Variants in LGR6 observed in about 807,000 individuals in gnomAD.
The protein encoded by LGR6 is leucine rich repeat containing G protein-coupled receptor 6, also known as leucine-rich repeat-containing G protein-coupled receptor 6.
Under a neutral mutation model 69.4 loss-of-function variants are expected in LGR6, and 45 were observed. That is an observed-to-expected ratio of 0.65 (90% CI 0.51 to 0.83). The LOEUF (loss-of-function observed/expected upper bound fraction) is 0.83, where lower values mean the gene tolerates loss of function less well. Ranked by LOEUF, LGR6 falls within the 40% of genes least tolerant of loss-of-function variation. The probability of loss-of-function intolerance (pLI) is 0.00; values close to 1 mark genes in which losing one functional copy is unlikely to be tolerated. For synonymous variants in LGR6, 538 were observed against 555.0 expected (o/e 0.97, Z 0.43); for missense variants, 1,108 against 1,246.7 (o/e 0.89, Z 1.68).
At chr1:202,258,149 A>G (rs943542556) in intron 4 of LGR6, among the ~76,000 whole-genome samples, 1 of 152,018 alleles carries the variant, frequency 6.6e-6, no homozygotes, top group Non-Finnish European at 1.5e-5. Flanking sequence ...ATTGATTTAT[A>G]TATATTGATC....
intron 4 of LGR6, among the ~76,000 whole-genome samples, chr1:202,271,829 AG>A (rs1418435485): frequency 2.3e-4 from 34 of 145,304 alleles, no homozygotes; most frequent in South Asian, 6.8e-4. Flanking sequence ...AAAAAAAAAA[AG>A]AGAGAGGGGA....
intron 1 of LGR6, among the ~76,000 whole-genome samples, chr1:202,224,392 G>A (rs1477365164): frequency 2.0e-5 from 3 of 152,244 alleles, no homozygotes; most frequent in Admixed American, 6.5e-5. Flanking sequence ...CTGTGGATCC[G>A]CAGAGGGACT....
rs1038764069 is a variant in LGR6 at position 202,255,518 on chromosome 1, C to T, written c.428+19525C>T. ...CCTTCCCCGCTCAGGCTGCAGAGTC[C>T]GTGGAGCACTCCCTTGCCGGCCCCC... is the stretch of plus-strand genomic sequence containing the variant. On this transcript the variant is annotated intron_variant, in intron 4 of 17. Transcript: ENST00000367278. Among the ~76,000 whole-genome samples the T allele has an allele frequency of 4.6e-5, 7 of 152,296 alleles. No individual in the cohort carries two copies. The South Asian group carries it at 1.0e-3, about 23-fold the overall frequency.
chr1:202,257,947 G>A (rs535224722), intron 4 of LGR6, among the ~76,000 whole-genome samples: 1 of 151,890 alleles, frequency 6.6e-6, no homozygotes, highest in South Asian at 2.1e-4. Context: ...CATGAATATG[G>A]GATATTTTCC....
At chr1:202,296,714 G>A (rs980900129) in intron 6 of LGR6, among the ~76,000 whole-genome samples, 1 of 152,142 alleles carries the variant, frequency 6.6e-6, no homozygotes, top group Non-Finnish European at 1.5e-5. Context: ...TCAATATTTT[G>A]CCCCTGGTGC....
chr1:202,228,098 A>T (rs1205873445), intron 3 of LGR6, 91 bp downstream of exon 3: 1 of 824,084 alleles, frequency 1.2e-6, no homozygotes, highest in Non-Finnish European at 2.0e-6. Flanking sequence ...TTGGTTTACC[A>T]CTGACTTGCT....
chr1:202,225,364 A>G (rs1348667495), intron 1 of LGR6, 59 bp from the exon 2 acceptor site: 2 of 1,493,180 alleles, frequency 1.3e-6, no homozygotes, highest in East Asian at 2.3e-5. Context: ...GCACCTGGAC[A>G]GTGCCAGATG....
chr1:202,198,356 G>C (rs916873570), intron 1 of LGR6, among the ~76,000 whole-genome samples: 1 of 152,228 alleles, frequency 6.6e-6, no homozygotes, highest in African/African-American at 2.4e-5. Context: ...ACAGGGTTAA[G>C]ATCTACCTCA....
In LGR6 at chr1:202,216,826, G is replaced by GCA. The variant is rs564633946; in HGVS notation, c.213-8586_213-8585dup. Among the ~76,000 whole-genome samples the GCA allele has an allele frequency of 3.7e-4, 56 of 152,288 alleles. 1 individual carries two copies. The South Asian group carries it at 0.012, about 32-fold the overall frequency. ...GGAGGAAGGAGCCATTGAAGGAGAA[G>GCA]CACACACACACATTATGCAATCCCA... On this transcript the variant is annotated intron_variant, in intron 1 of 17. Transcript: ENST00000367278.
rs547143537 is a variant in LGR6 at position 202,315,914 on chromosome 1, G to A, written c.1648+1032G>A. On this transcript the variant is annotated intron_variant, in intron 17 of 17. Transcript: ENST00000367278. ...TTTCACCTCTGAAAACCAGTAATCAGCAGGGATGAGGTAAAAGAGGAAGTT... is the reference window on the plus strand; with the variant it reads ...TTTCACCTCTGAAAACCAGTAATCAACAGGGATGAGGTAAAAGAGGAAGTT... Among the ~76,000 whole-genome samples the A allele has an allele frequency of 3.3e-4, 50 of 152,314 alleles. 3 individuals carry two copies. The South Asian group carries it at 0.01, about 31-fold the overall frequency.
chr1:202,193,953 C>T lies in LGR6; in HGVS notation c.-37C>T. Reference sequence around the variant, plus strand: ...GCGGCCATCGCGCCGTGCGTCCGCGCCCGGCCGCCAGGTGCCCCAGTAGCC... The same window carrying T: ...GCGGCCATCGCGCCGTGCGTCCGCGTCCGGCCGCCAGGTGCCCCAGTAGCC... On this transcript the variant is annotated 5_prime_UTR_variant, in exon 1 of 18. Transcript: ENST00000367278. 3 of 1,266,066 alleles carry T rather than the reference C, an allele frequency of 2.4e-6. No individual in the cohort carries two copies. The highest frequency in any genetic ancestry group is 2.0e-6 in the Non-Finnish European group (2 of 998,870). 78.4% of individuals were successfully genotyped at this position (1,266,066 alleles called of 1,614,324 possible).
chr1:202,307,275 C>T (rs1653308771), intron 13 of LGR6, 55 bp from the exon 14 acceptor site: 1 of 1,534,564 alleles, frequency 6.5e-7, no homozygotes, highest in Non-Finnish European at 9.0e-7. Context: ...ATGATGGGAA[C>T]AGTGAGTCCT....
At chr1:202,307,916 G>C (rs986710131) in intron 14 of LGR6, among the ~76,000 whole-genome samples, 2 of 152,172 alleles carry the variant, frequency 1.3e-5, no homozygotes, top group African/African-American at 4.8e-5. Context: ...GTCAGGGCTG[G>C]AAGGGGCCTC....
chr1:202,281,379 T>A (rs1341068382), intron 6 of LGR6, among the ~76,000 whole-genome samples: 1 of 152,156 alleles, frequency 6.6e-6, no homozygotes, highest in African/African-American at 2.4e-5. Flanking sequence ...CTAGCCTTAC[T>A]ATAAGAAGCA....
At chr1:202,244,109 C>T (rs962092865) in intron 4 of LGR6, among the ~76,000 whole-genome samples, 3 of 152,050 alleles carry the variant, frequency 2.0e-5, no homozygotes, top group Admixed American at 1.3e-4. Context: ...AGGTGCGTTC[C>T]ACCATGCCCA....
At position 202,307,327 on chromosome 1, in the gene LGR6, C is replaced by T; in HGVS notation, c.1209-3C>T. On this transcript the variant is annotated splice_region_variant and splice_polypyrimidine_tract_variant and intron_variant, in intron 13 of 17. Coordinates refer to ENST00000367278, the MANE Select transcript of LGR6 (RefSeq NM_001017403.2). ...CCTCCTGTCACACCCTCTCTGCCTG[C>T]AGGGATCTTAGCTGGAACGCCATCC... The T allele has an allele frequency of 1.2e-6, 2 of 1,613,992 alleles. No individual in the cohort carries two copies. Among genetic ancestry groups the T allele is most frequent in the Non-Finnish European group, 1.7e-6 (2 of 1,179,854 alleles).
intron 7 of LGR6, among the ~76,000 whole-genome samples, chr1:202,298,009 C>T (rs1423985309): frequency 2.0e-5 from 3 of 152,232 alleles, no homozygotes; most frequent in Non-Finnish European, 1.5e-5. Flanking sequence ...CCAAAGCCAC[C>T]ATTTATTATT....
intron 1 of LGR6, among the ~76,000 whole-genome samples, chr1:202,208,510 C>T (rs940447215): frequency 6.6e-6 from 1 of 151,986 alleles, no homozygotes; most frequent in Non-Finnish European, 1.5e-5. Context: ...CTCCGTGAGA[C>T]TTGAGATCCC....
intron 6 of LGR6, among the ~76,000 whole-genome samples, chr1:202,291,778 C>G (rs1571977426): frequency 6.6e-6 from 1 of 152,162 alleles, no homozygotes; most frequent in Admixed American, 6.5e-5. Context: ...TGGTACCTAC[C>G]TCAAAGGGTT....
Sources: gnomAD v4.1 joint callset for allele counts (sites outside exome capture counted in the v4.1 genomes callset) on GRCh38, gnomAD v4.1.1 for gene constraint, MANE v1.5 for transcripts, NCBI Gene and HGNC (gene_info 2026-07-23, HGNC 2026-07-21) for gene names.